The following PDXDC1 variants were observed in gnomAD, a reference collection of about 807,000 sequenced individuals.
The protein encoded by PDXDC1 is pyridoxal-dependent decarboxylase domain-containing protein 1.
A neutral mutation model predicts 100.1 loss-of-function variants in PDXDC1; 42 were observed. The observed-to-expected ratio is 0.42, with a 90% CI of 0.33 to 0.54. The LOEUF is 0.54. PDXDC1 is among the 20% of genes least tolerant of loss of function. PDXDC1 has a pLI of 0.10. For missense variants in PDXDC1, 636 were observed against 979.2 expected (o/e 0.65, Z 4.68); for synonymous variants, 260 against 371.7 (o/e 0.70, Z 3.46).
chr16:15,143,680 C>A (rs577153724), downstream of PDXDC1, among the ~76,000 whole-genome samples: 2 of 152,204 alleles, frequency 1.3e-5, no homozygotes, highest in East Asian at 3.9e-4. Flanking sequence ...GAGCCGGGGT[C>A]GGGGCGTGCA....
chr16:15,029,790 T>C, intron 15 of PDXDC1, 161 bp from the exon 16 acceptor site: 1 of 606,000 alleles, frequency 1.7e-6, no homozygotes, highest in South Asian at 2.2e-5. Context: ...ACCATAAAAT[T>C]TACTGTTTTT....
At chr16:15,135,707 A>G (rs1323678191) in intron 16 of PDXDC1, 12 of 1,595,088 alleles carry the variant, frequency 7.5e-6, no homozygotes, top group Non-Finnish European at 1.0e-5. Context: ...GCCATCCTCC[A>G]GGTTGGGGTC....
At chr16:15,034,219 T>C in intron 19 of PDXDC1, 67 bp from the exon 20 acceptor site, 1 of 1,373,802 alleles carries the variant, frequency 7.3e-7, no homozygotes, top group Non-Finnish European at 1.0e-6. Context: ...CAGTGCTGTG[T>C]TACTAGCTCT....
chr16:15,032,669 A>AAAAAAAAAAAAAAAAATT, intron 17 of PDXDC1, 192 bp from the exon 18 acceptor site: 2 of 448,488 alleles, frequency 4.5e-6, no homozygotes, highest in Non-Finnish European at 7.8e-6. Flanking sequence ...AAAAAAAAAA[A>AAAAAAAAAAAAAAAAATT]GGCTTTCCTG....
chr16:15,088,507 T>C (rs1322513235), intron 16 of PDXDC1, among the ~76,000 whole-genome samples: 17 of 152,034 alleles, frequency 1.1e-4, no homozygotes. Flanking sequence ...TCCACACAAC[T>C]AGTGCAATTC....
chr16:15,152,081 G>A, the PDXDC1 span, among the ~76,000 whole-genome samples: 1 of 149,040 alleles, frequency 6.7e-6, no homozygotes, highest in Non-Finnish European at 1.5e-5. Flanking sequence ...AGAGCAGCAC[G>A]TTTTGCAGTA....
intron 16 of PDXDC1, among the ~76,000 whole-genome samples, chr16:15,092,882 T>C (rs1329876644): frequency 6.6e-6 from 1 of 152,154 alleles, no homozygotes; most frequent in African/African-American, 2.4e-5. Flanking sequence ...TCTCACCTCA[T>C]CTCCAACAAC....
chr16:15,008,945 C>G, intron 7 of PDXDC1, 98 bp downstream of exon 7: 2 of 1,151,308 alleles, frequency 1.7e-6, no homozygotes, highest in Non-Finnish European at 2.6e-6. Flanking sequence ...TAATTAGTAA[C>G]TTACTCATGT....
intron 3 of PDXDC1, among the ~76,000 whole-genome samples, chr16:14,999,553 A>C (rs1231303020): frequency 6.6e-6 from 1 of 152,250 alleles, no homozygotes; most frequent in Non-Finnish European, 1.5e-5. Context: ...ATAAAATAAA[A>C]GTGATATACA....
At chr16:15,128,673 C>A (rs961417612) in intron 16 of PDXDC1, among the ~76,000 whole-genome samples, 33 of 152,216 alleles carry the variant, frequency 2.2e-4, no homozygotes, top group African/African-American at 7.9e-4. Context: ...GTGACCCGCA[C>A]TGCACACCTG....
At position 15,127,188 on chromosome 16, in the gene PDXDC1, G is replaced by A. The variant is rs983493272; in HGVS notation, c.1400-11691G>A. ...GTGCATTTCGGAAGCGTGCACAGCC[G>A]CGTGCTTGCTTCTTCTGAGTTATCT... On this transcript the variant is annotated intron_variant, in intron 16 of 16. Coordinates refer to the PDXDC1 transcript ENST00000535621. 66 of 398,916 alleles carry A rather than the reference G, an allele frequency of 1.7e-4. No homozygotes were observed. The East Asian group carries it at 1.8e-3, about 11-fold the overall frequency. 24.7% of individuals were successfully genotyped at this position (398,916 alleles called of 1,614,324 possible). A position where few individuals can be genotyped will look rare whatever the true frequency, so the allele number is the denominator to read the frequency against.
At chr16:15,132,851 G>T in intron 16 of PDXDC1, 1 of 1,584,090 alleles carries the variant, frequency 6.3e-7, no homozygotes, top group Admixed American at 1.7e-5. Flanking sequence ...GGGCTCTGCC[G>T]CCACGTCCAG....
At chr16:15,002,996 A>G (rs1166110646) in intron 4 of PDXDC1, among the ~76,000 whole-genome samples, 1 of 152,272 alleles carries the variant, frequency 6.6e-6, no homozygotes, top group East Asian at 1.9e-4. Context: ...TGATCCTATT[A>G]GGTGATTTGT....
intron 16 of PDXDC1, among the ~76,000 whole-genome samples, chr16:15,064,470 C>T (rs529649169): frequency 6.6e-6 from 1 of 152,294 alleles, no homozygotes; most frequent in Admixed American, 6.5e-5. Flanking sequence ...CCATTACGCC[C>T]AGCCAATCGT....
At chr16:14,988,911 G>T in intron 1 of PDXDC1, 1 of 1,613,498 alleles carries the variant, frequency 6.2e-7, no homozygotes. Flanking sequence ...CTGGACGGAG[G>T]ACAGCAGCCC....
At chr16:15,147,076 C>A in the PDXDC1 span, among the ~76,000 whole-genome samples, 4 of 143,094 alleles carry the variant, frequency 2.8e-5, no homozygotes, top group African/African-American at 8.1e-5. Context: ...AGGGATGAGC[C>A]AGGGAGGGAG....
intron 16 of PDXDC1, among the ~76,000 whole-genome samples, chr16:15,123,959 G>C (rs987554465): frequency 6.0e-5 from 9 of 150,558 alleles, no homozygotes; most frequent in African/African-American, 2.2e-4. Flanking sequence ...ATCCGAAACC[G>C]AGTGATGATG....
At chr16:15,127,178 G>A (rs1035636346) in intron 16 of PDXDC1, 4 of 390,806 alleles carry the variant, frequency 1.0e-5, no homozygotes, top group African/African-American at 2.1e-5. Flanking sequence ...TTTCGGAAGC[G>A]TGCACAGCCG....
chr16:15,111,906 C>G (rs1199291336), intron 16 of PDXDC1, among the ~76,000 whole-genome samples: 1 of 149,236 alleles, frequency 6.7e-6, no homozygotes, highest in Non-Finnish European at 1.5e-5. Context: ...AATTAATTAC[C>G]TTCAGCTCTC....
Sources: allele counts gnomAD v4.1 joint callset (sites outside exome capture counted in the v4.1 genomes callset), GRCh38; gene constraint gnomAD v4.1.1; transcripts MANE v1.5; gene names NCBI Gene and HGNC (gene_info 2026-07-23, HGNC 2026-07-21).